The following CLU variants were observed in gnomAD, a reference collection of about 807,000 sequenced individuals.
CLU encodes the protein clusterin.
A neutral mutation model predicts 46.4 loss-of-function variants in CLU; 25 were observed. The observed-to-expected ratio is 0.54, with a 90% CI of 0.39 to 0.75. The LOEUF (loss-of-function observed/expected upper bound fraction) is 0.75, where lower values mean the gene tolerates loss of function less well. CLU is among the 30% of genes least tolerant of loss of function. CLU has a pLI of 0.00. For synonymous variants in CLU, 235 were observed against 235.1 expected, an observed-to-expected ratio of 1.00 and a Z score of 0.00; for missense variants, 504 against 592.1, an observed-to-expected ratio of 0.85 and a Z score of 1.54.
In CLU at chr8:27,599,588, TCTTA is replaced by T. The variant is rs1800679695; in HGVS notation, c.1164+188_1164+191del. 6.7e-6 allele frequency: 4 copies of T among 592,724 alleles called. No individual in the cohort carries two copies. In the Admixed American group the frequency reaches 8.5e-5, roughly 13 times the overall value. The allele number at this position is 592,724 out of a possible 1,614,324, so 36.7% of individuals were successfully genotyped here. A position where few individuals can be genotyped will look rare whatever the true frequency, so the allele number is the denominator to read the frequency against. Reference sequence around the variant, plus strand: ...CACCTTGGCCAAGCTGTGGAACCTCTCTTACTTTGCTCCTTTGTAAAGCAGGGTT... The same window carrying T: ...CACCTTGGCCAAGCTGTGGAACCTCTCTTTGCTCCTTTGTAAAGCAGGGTT... On this transcript the variant is annotated intron_variant, in intron 7 of 8. Coordinates refer to ENST00000316403, the MANE Select transcript of CLU (RefSeq NM_001831.4). This position sits in a 1 kb window ranked among gnomAD's most constrained non-coding sequence, Gnocchi z 4.0.
intron 1 of CLU, among the ~76,000 whole-genome samples, chr8:27,612,875 G>A (rs1800953592): frequency 6.6e-6 from 1 of 150,740 alleles, no homozygotes; most frequent in Non-Finnish European, 1.5e-5. Context: ...AAACCACTTG[G>A]CCTTGCTCCT....
intron 6 of CLU, among the ~76,000 whole-genome samples, chr8:27,603,032 G>A (rs1323006747): frequency 1.3e-5 from 2 of 152,112 alleles, no homozygotes; most frequent in Admixed American, 6.5e-5. Context: ...GCCACTGTAC[G>A]CCAGCTATAA....
chr8:27,608,029 T>C (rs1232734073), intron 3 of CLU, among the ~76,000 whole-genome samples: 3 of 152,218 alleles, frequency 2.0e-5, no homozygotes, highest in Admixed American at 1.3e-4. Context: ...GAACAAGTCA[T>C]GCCCCTTCCC....
chr8:27,610,773 G>C, intron 1 of CLU, 173 bp from the exon 2 acceptor site: 1 of 605,510 alleles, frequency 1.7e-6, no homozygotes. Flanking sequence ...ACTTGCCATG[G>C]ACACCTCGAA....
intron 6 of CLU, among the ~76,000 whole-genome samples, chr8:27,600,303 C>T (rs1432829997): frequency 6.7e-5 from 10 of 148,676 alleles, no homozygotes; most frequent in Admixed American, 5.3e-4. Flanking sequence ...GGTGAGATCT[C>T]GGCTCACTGC....
chr8:27,608,877 C>A (rs1800870261), intron 3 of CLU, 61 bp downstream of exon 3: 1 of 1,595,290 alleles, frequency 6.3e-7, no homozygotes, highest in South Asian at 1.1e-5. Flanking sequence ...CGCGCAGTGA[C>A]CCCCTCCCTC....
In CLU at chr8:27,598,095, C is replaced by T. The variant is rs776200670; in HGVS notation, c.*146G>A. ...GAGTGTTAGAGTGCAGGATCCAGAG[C>T]GGGGAGAGGCTGGGCGGAGTTGGGG... On this transcript the variant is annotated 3_prime_UTR_variant, in exon 9 of 9. Transcript: ENST00000316403. 6 of 745,842 alleles carry T rather than the reference C, an allele frequency of 8.0e-6. No individual in the cohort carries two copies. The highest frequency in any genetic ancestry group is 2.9e-5 in the South Asian group (2 of 68,188). 46.2% of individuals were successfully genotyped at this position (745,842 alleles called of 1,614,324 possible).
At position 27,597,653 on chromosome 8, in the gene CLU, T is replaced by C. The variant is rs1266898795; in HGVS notation, c.*588A>G. On this transcript the variant is annotated 3_prime_UTR_variant, in exon 9 of 9. Transcript: ENST00000316403. ...ACTTACTGATTCTTCTCCTTAACTTTCAGTGTATTCCTTTAGGAGATTGTC... is the reference window on the plus strand; with the variant it reads ...ACTTACTGATTCTTCTCCTTAACTTCCAGTGTATTCCTTTAGGAGATTGTC... 1 of 454,056 alleles carries C rather than the reference T, an allele frequency of 2.2e-6. No homozygotes were observed. Among genetic ancestry groups the C allele is most frequent in the African/African-American group, 2.0e-5 (1 of 50,010 alleles). 28.1% of individuals were successfully genotyped at this position (454,056 alleles called of 1,614,324 possible).
chr8:27,598,758 T>C, intron 7 of CLU, 123 bp from the exon 8 acceptor site: 1 of 901,734 alleles, frequency 1.1e-6, no homozygotes, highest in South Asian at 1.4e-5. Context: ...CCTAGAGAGC[T>C]GACCCCATGC....
chr8:27,598,094 G>T lies in CLU; in HGVS notation c.*147C>A. 1.3e-6 allele frequency: 1 copy of T among 745,044 alleles called. No homozygotes were observed. Among genetic ancestry groups the T allele is most frequent in the South Asian group, 1.5e-5 (1 of 68,168 alleles). 46.2% of individuals were successfully genotyped at this position (745,044 alleles called of 1,614,324 possible). ...CGAGTGTTAGAGTGCAGGATCCAGA[G>T]CGGGGAGAGGCTGGGCGGAGTTGGG... On this transcript the variant is annotated 3_prime_UTR_variant, in exon 9 of 9. Coordinates refer to ENST00000316403, the MANE Select transcript of CLU (RefSeq NM_001831.4).
chr8:27,610,810 A>G (rs1800913093), intron 1 of CLU: 1 of 555,120 alleles, frequency 1.8e-6, no homozygotes, highest in East Asian at 3.1e-5. Flanking sequence ...AGGTGCAGGG[A>G]GGGAGGGACT....
chr8:27,609,582 C>T (rs527343277), intron 2 of CLU, among the ~76,000 whole-genome samples: 9 of 152,302 alleles, frequency 5.9e-5, no homozygotes, highest in Admixed American at 2.6e-4. Flanking sequence ...ACAAATGCAG[C>T]GAAACACTGT....
chr8:27,606,588 T>C, intron 3 of CLU, 64 bp from the exon 4 acceptor site: 36 of 1,597,008 alleles, frequency 2.3e-5, no homozygotes, highest in Non-Finnish European at 3.1e-5. Context: ...CTCAAAGAGC[T>C]GCTGGGTGCC....
intron 6 of CLU, among the ~76,000 whole-genome samples, chr8:27,602,168 C>T (rs747964048): frequency 4.6e-5 from 7 of 152,122 alleles, no homozygotes; most frequent in Admixed American, 1.3e-4. Context: ...ACTGGGGTGA[C>T]GCTGTCACCC....
rs566095820 is a variant in CLU, at chr8:27,597,378, C to T, written c.*863G>A. On this transcript the variant is annotated 3_prime_UTR_variant, in exon 9 of 9. Coordinates refer to ENST00000316403, the MANE Select transcript of CLU (RefSeq NM_001831.4). ...CCCAGCTATGGTTCAGACTAAAAGCCGAGAAACGCCTGTGGTCCAGGGAAA... is the reference window on the plus strand; with the variant it reads ...CCCAGCTATGGTTCAGACTAAAAGCTGAGAAACGCCTGTGGTCCAGGGAAA... 2 of 454,462 alleles carry T rather than the reference C, an allele frequency of 4.4e-6. No homozygotes were observed. The highest frequency in any genetic ancestry group is 6.9e-5 in the East Asian group (1 of 14,392). 28.2% of individuals were successfully genotyped at this position (454,462 alleles called of 1,614,324 possible). A position where few individuals can be genotyped will look rare whatever the true frequency, so the allele number is the denominator to read the frequency against.
chr8:27,611,744 C>A (rs1190012916), intron 1 of CLU: 4 of 457,690 alleles, frequency 8.7e-6, no homozygotes, highest in Non-Finnish European at 1.8e-5. Context: ...AGTAATCAGG[C>A]GCAAAGAGCC....
In CLU at chr8:27,604,355, G is replaced by C. The variant is rs1177465526; in HGVS notation, c.870C>G (p.His290Gln). The change falls in exon 6 of 9, where the codon CAC becomes CAG. Residue 290 changes from histidine to glutamine, a missense_variant. Coordinates refer to ENST00000316403, the MANE Select transcript of CLU (RefSeq NM_001831.4). ...TCATCCGCAGGCAGCCCGTGGAGTT[G>C]TGGCGGATCTCCCGGCACACAGTCC... ...DDRTVCREIRHNSTGCLRMKD... is the reference protein window; with the variant it reads ...DDRTVCREIRQNSTGCLRMKD... 3.9e-5 allele frequency: 63 copies of C among 1,614,108 alleles called. No homozygotes were observed. The highest frequency in any genetic ancestry group is 5.2e-5 in the Non-Finnish European group (61 of 1,180,052).
rs993610851 is a variant in CLU, at chr8:27,614,584, T to G, written c.-30+71A>C. ...GCTGTGTCATCCCTCTCTGCCTGGC[T>G]GCCATCCCCTGCCCGCCCATCCGTC... On this transcript the variant is annotated intron_variant, in intron 1 of 8. Transcript: ENST00000316403. 116 of 451,910 alleles carry G rather than the reference T, an allele frequency of 2.6e-4. 2 individuals are homozygous for G. The highest frequency in any genetic ancestry group is 1.9e-3 in the South Asian group (115 of 61,222). The allele number at this position is 451,910 out of a possible 1,614,324, so 28.0% of individuals were successfully genotyped here. A position where few individuals can be genotyped will look rare whatever the true frequency, so the allele number is the denominator to read the frequency against.
intron 5 of CLU, 114 bp downstream of exon 5, chr8:27,604,810 T>C (rs1800785648): frequency 1.6e-6 from 2 of 1,241,354 alleles, no homozygotes; most frequent in South Asian, 1.3e-5. Flanking sequence ...AAGGATAATA[T>C]CACCCTTGTG....
Sources: gnomAD v4.1 joint callset for allele counts (sites outside exome capture counted in the v4.1 genomes callset) on GRCh38, gnomAD v4.1.1 for gene constraint, Gnocchi (gnomAD v3.1) non-coding constraint, MANE v1.5 for transcripts, NCBI Gene and HGNC (gene_info 2026-07-23, HGNC 2026-07-21) for gene names.